Variants in TSPAN18 observed in about 807,000 individuals in gnomAD.
The protein encoded by TSPAN18 is tetraspanin-18.
TSPAN18 carries 14 observed loss-of-function variants against 27.3 expected under a neutral mutation model. The ratio of observed to expected loss-of-function variants is 0.51; its 90% confidence interval spans 0.34 to 0.80. The LOEUF is 0.80. Ranked by LOEUF, TSPAN18 falls within the 30% of genes least tolerant of loss-of-function variation. The pLI, the probability that TSPAN18 is intolerant of heterozygous loss-of-function variation, is 0.01. For synonymous variants in TSPAN18, 143 were observed against 136.5 expected, an observed-to-expected ratio of 1.05 and a Z score of -0.33; for missense variants, 268 against 323.9, an observed-to-expected ratio of 0.83 and a Z score of 1.32.
intron 2 of TSPAN18, among the ~76,000 whole-genome samples, chr11:44,794,538 C>T (rs192224212): frequency 1.3e-5 from 2 of 152,198 alleles, no homozygotes; most frequent in East Asian, 3.9e-4. Flanking sequence ...TGTGGTGGCA[C>T]ACGCCTGTAA....
intron 3 of TSPAN18, among the ~76,000 whole-genome samples, chr11:44,896,155 G>A (rs1859040143): frequency 6.6e-6 from 1 of 152,148 alleles, no homozygotes; most frequent in Non-Finnish European, 1.5e-5. Flanking sequence ...GGTAAATGGG[G>A]AGGAATCTTT....
At chr11:44,842,355 A>C (rs1427970474) in intron 2 of TSPAN18, among the ~76,000 whole-genome samples, 1 of 152,232 alleles carries the variant, frequency 6.6e-6, no homozygotes, top group Non-Finnish European at 1.5e-5. Context: ...ATTCTGCCTG[A>C]ACGTGTTTGA....
intron 1 of TSPAN18, among the ~76,000 whole-genome samples, chr11:44,728,210 C>G (rs997298201): frequency 6.6e-6 from 1 of 152,148 alleles, no homozygotes; most frequent in Non-Finnish European, 1.5e-5. Context: ...ATAACTGCGC[C>G]GTGGGCTGGA....
chr11:44,924,099 G>T (rs1053399585), intron 8 of TSPAN18, among the ~76,000 whole-genome samples: 17 of 32,794 alleles, frequency 5.2e-4, no homozygotes, highest in African/African-American at 8.3e-4. Context: ...TTCTGGGGTT[G>T]TGTGTGTGTG....
At chr11:44,806,088 G>C (rs1000689283) in intron 2 of TSPAN18, among the ~76,000 whole-genome samples, 1 of 146,402 alleles carries the variant, frequency 6.8e-6, no homozygotes, top group Non-Finnish European at 1.5e-5. Context: ...AGGCTGGAGT[G>C]TAGTGGTGCA....
intron 3 of TSPAN18, among the ~76,000 whole-genome samples, chr11:44,862,187 C>T (rs771506371): frequency 2.0e-5 from 3 of 152,254 alleles, no homozygotes; most frequent in Non-Finnish European, 4.4e-5. Context: ...AGCTCCGTCT[C>T]TGGGGGCACG....
intron 1 of TSPAN18, among the ~76,000 whole-genome samples, chr11:44,763,660 T>C (rs1028461608): frequency 6.6e-6 from 1 of 152,178 alleles, no homozygotes; most frequent in African/African-American, 2.4e-5. Context: ...CCACACCAAG[T>C]TGATAATATT....
rs1315555114 is a variant in TSPAN18 at position 44,727,260 on chromosome 11, C to A, written c.-267C>A. 4 of 151,860 alleles carry A rather than the reference C, an allele frequency of 2.6e-5. No individual in the cohort carries two copies. The highest frequency in any genetic ancestry group is 5.9e-5 in the Non-Finnish European group (4 of 67,864). The allele number at this position is 151,860 out of a possible 1,614,324, so 9.4% of individuals were successfully genotyped here. A position where few individuals can be genotyped will look rare whatever the true frequency, so the allele number is the denominator to read the frequency against. ...CCCCCCGGCCGCCGGCGGGATTTGG[C>A]GCGGGGTCCGGCAGCCGCCGCTGGA... On this transcript the variant is annotated 5_prime_UTR_variant, in exon 1 of 10. Transcript: ENST00000520358.
At chr11:44,753,688 T>C (rs151136869) in intron 1 of TSPAN18, among the ~76,000 whole-genome samples, 3 of 152,236 alleles carry the variant, frequency 2.0e-5, no homozygotes, top group Non-Finnish European at 4.4e-5. Context: ...GAGCACATAG[T>C]GATCGACTTC....
At chr11:44,842,275 C>G (rs1357707266) in intron 2 of TSPAN18, among the ~76,000 whole-genome samples, 1 of 152,188 alleles carries the variant, frequency 6.6e-6, no homozygotes, top group Admixed American at 6.5e-5. Context: ...CTATTAGGTC[C>G]CTTCATGCCA....
At chr11:44,851,530 A>G (rs891620578) in intron 2 of TSPAN18, among the ~76,000 whole-genome samples, 34 of 151,982 alleles carry the variant, frequency 2.2e-4, no homozygotes, top group African/African-American at 8.2e-4. Flanking sequence ...AGGGGGAAAA[A>G]CAAAACCCAG....
Position 44,920,014 on chromosome 11 carries a change from C to T in TSPAN18, c.615+15C>T, listed in dbSNP as rs776731188. On this transcript the variant is annotated intron_variant, in intron 8 of 9. Transcript: ENST00000520358. ...TAAACAAGCAGGTACTGGCCCTGCT[C>T]TCCAGACAGGGGAGTGGGTCTATCG... 1.5e-5 allele frequency: 24 copies of T among 1,608,054 alleles called. No individual in the cohort carries two copies. Among genetic ancestry groups the T allele is most frequent in the Middle Eastern group, 1.7e-4 (1 of 6,034 alleles).
chr11:44,892,040 C>CCCCTTG (rs1858867807), intron 3 of TSPAN18, among the ~76,000 whole-genome samples: 1 of 152,174 alleles, frequency 6.6e-6, no homozygotes, highest in East Asian at 1.9e-4. Context: ...GGCCACCTGC[C>CCCCTTG]CCCTTGTGCC....
intron 3 of TSPAN18, chr11:44,901,175 C>T (rs916342732): frequency 1.3e-5 from 2 of 152,188 alleles, no homozygotes. Context: ...CCATATTCTT[C>T]ACCGGCCCCC....
intron 1 of TSPAN18, among the ~76,000 whole-genome samples, chr11:44,745,925 G>A (rs1855064062): frequency 6.6e-6 from 1 of 152,196 alleles, no homozygotes; most frequent in Non-Finnish European, 1.5e-5. Context: ...TACTTGGGAG[G>A]CTGAGGCAGG....
At chr11:44,785,069 C>A (rs957139959) in intron 2 of TSPAN18, among the ~76,000 whole-genome samples, 6 of 152,152 alleles carry the variant, frequency 3.9e-5, no homozygotes, top group Non-Finnish European at 8.8e-5. Context: ...CTGGGCAGGG[C>A]TAGTGCTAAA....
intron 3 of TSPAN18, among the ~76,000 whole-genome samples, chr11:44,863,234 T>A (rs990933311): frequency 1.3e-5 from 2 of 152,266 alleles, no homozygotes; most frequent in South Asian, 4.1e-4. Context: ...AGAAAGGACA[T>A]TCGGGAGGAA....
At chr11:44,835,800 A>G (rs1248449530) in intron 2 of TSPAN18, among the ~76,000 whole-genome samples, 1 of 152,158 alleles carries the variant, frequency 6.6e-6, no homozygotes, top group Non-Finnish European at 1.5e-5. Flanking sequence ...CTCACTTCCT[A>G]TCTCTGTTGC....
At chr11:44,848,680 C>T (rs982373951) in intron 2 of TSPAN18, among the ~76,000 whole-genome samples, 8 of 152,222 alleles carry the variant, frequency 5.3e-5, no homozygotes, top group Admixed American at 6.5e-5. Flanking sequence ...AAGAGGCCAG[C>T]GGCACCCAGG....
Sources: gnomAD v4.1 joint callset for allele counts (sites outside exome capture counted in the v4.1 genomes callset) on GRCh38, gnomAD v4.1.1 for gene constraint, MANE v1.5 for transcripts, NCBI Gene and HGNC (gene_info 2026-07-23, HGNC 2026-07-21) for gene names.